The following CTNNA2 variants were observed in gnomAD, a reference collection of about 807,000 sequenced individuals.
CTNNA2 encodes the protein catenin alpha 2, also known as catenin alpha-2.
CTNNA2 carries 42 observed loss-of-function variants against 101.0 expected under a neutral mutation model. That is an observed-to-expected ratio of 0.42 (90% CI 0.32 to 0.54). The LOEUF (loss-of-function observed/expected upper bound fraction) is 0.54, where lower values mean the gene tolerates loss of function less well. Among genes scored for constraint, CTNNA2 ranks in the 20% least tolerant of loss-of-function variants. The pLI is 0.14. For missense variants in CTNNA2, 871 were observed against 1,223.1 expected, an observed-to-expected ratio of 0.71 and a Z score of 4.29; for synonymous variants, 450 against 456.4, an observed-to-expected ratio of 0.99 and a Z score of 0.18.
intron 6 of CTNNA2, among the ~76,000 whole-genome samples, chr2:79,878,979 T>A (rs967427125): frequency 1.3e-5 from 2 of 152,234 alleles, no homozygotes. Flanking sequence ...CTTTAATACA[T>A]CTTGAGTTAG....
intron 4 of CTNNA2, among the ~76,000 whole-genome samples, chr2:79,413,254 T>C (rs1678438033): frequency 6.6e-6 from 1 of 152,076 alleles, no homozygotes; most frequent in South Asian, 2.1e-4. Context: ...TCTTACTCTC[T>C]ACTTTTATGA....
chr2:79,350,560 A>T (rs957862023), intron 3 of CTNNA2, among the ~76,000 whole-genome samples: 1 of 152,124 alleles, frequency 6.6e-6, no homozygotes, highest in Admixed American at 6.6e-5. Context: ...GGTTGATTCT[A>T]TGACTTTGAT....
At chr2:80,604,454 G>A (rs541004280) in intron 16 of CTNNA2, among the ~76,000 whole-genome samples, 4 of 151,834 alleles carry the variant, frequency 2.6e-5, no homozygotes, top group Non-Finnish European at 5.9e-5. Context: ...GAAGAGTCAC[G>A]GATTGTCCCA....
At chr2:79,609,124 C>A (rs977700361) in intron 1 of CTNNA2, among the ~76,000 whole-genome samples, 7 of 151,848 alleles carry the variant, frequency 4.6e-5, no homozygotes, top group Non-Finnish European at 1.0e-4. Flanking sequence ...AGAGGTAAAT[C>A]TGACAAAAGA....
chr2:79,469,865 T>G (rs1670979438), intron 4 of CTNNA2, among the ~76,000 whole-genome samples: 1 of 152,224 alleles, frequency 6.6e-6, no homozygotes. Flanking sequence ...AATTAGCTAT[T>G]GATGGGATGT....
Position 79,513,142 on chromosome 2 carries a change from C to T in CTNNA2, c.-71C>T, listed in dbSNP as rs1438642186. ...GCCTCTCCAGTCCCTTCTGTGATTA[C>T]CACTCCAGCTGCTGGGAACGGGCGA... On this transcript the variant is annotated 5_prime_UTR_variant, in exon 1 of 19. Transcript: ENST00000402739. 1 of 152,694 alleles carries T rather than the reference C, an allele frequency of 6.5e-6. No individual in the cohort carries two copies. The highest frequency in any genetic ancestry group is 1.5e-5 in the Non-Finnish European group (1 of 68,492). 9.5% of individuals were successfully genotyped at this position (152,694 alleles called of 1,614,324 possible).
chr2:79,700,678 C>T (rs529715706), intron 2 of CTNNA2, among the ~76,000 whole-genome samples: 5 of 152,102 alleles, frequency 3.3e-5, no homozygotes, highest in South Asian at 2.1e-4. Flanking sequence ...ATGTTTGTCA[C>T]GGCTCTTGTT....
intron 7 of CTNNA2, among the ~76,000 whole-genome samples, chr2:80,179,972 C>T (rs1475745357): frequency 1.3e-5 from 2 of 152,128 alleles, no homozygotes; most frequent in African/African-American, 4.8e-5. Context: ...TGAGCTAAAA[C>T]TTCATTAATT....
chr2:80,351,632 A>G (rs1003074282), intron 7 of CTNNA2, among the ~76,000 whole-genome samples: 1 of 152,102 alleles, frequency 6.6e-6, no homozygotes, highest in Non-Finnish European at 1.5e-5. Context: ...TTGCTTTAAC[A>G]TGCATGGGGG....
chr2:80,444,905 A>C (rs917278173), intron 9 of CTNNA2, among the ~76,000 whole-genome samples: 3 of 152,140 alleles, frequency 2.0e-5, no homozygotes, highest in Non-Finnish European at 2.9e-5. Flanking sequence ...CAAGCAGGCT[A>C]AGCTGTTTAG....
intron 8 of CTNNA2, among the ~76,000 whole-genome samples, chr2:80,405,993 G>C (rs1467518974): frequency 1.3e-5 from 2 of 152,160 alleles, no homozygotes; most frequent in African/African-American, 4.8e-5. Flanking sequence ...TTTCAACAAG[G>C]ATCAGGCTGC....
intron 3 of CTNNA2, among the ~76,000 whole-genome samples, chr2:79,850,846 A>G (rs945799064): frequency 6.6e-6 from 1 of 152,246 alleles, no homozygotes; most frequent in African/African-American, 2.4e-5. Flanking sequence ...GCTCTTAAAA[A>G]GAGAGCTATT....
intron 3 of CTNNA2, among the ~76,000 whole-genome samples, chr2:79,772,943 T>C (rs994807437): frequency 6.6e-6 from 1 of 152,232 alleles, no homozygotes; most frequent in Non-Finnish European, 1.5e-5. Flanking sequence ...TCAGTTGTTC[T>C]ATCAAACATA....
At chr2:79,912,301 G>C (rs1280207931) in intron 7 of CTNNA2, among the ~76,000 whole-genome samples, 1 of 152,228 alleles carries the variant, frequency 6.6e-6, no homozygotes, top group Non-Finnish European at 1.5e-5. Flanking sequence ...GACACAGAGG[G>C]AGACAGAGGT....
chr2:80,182,949 C>T (rs898609226), intron 7 of CTNNA2, among the ~76,000 whole-genome samples: 3 of 152,132 alleles, frequency 2.0e-5, no homozygotes, highest in Non-Finnish European at 4.4e-5. Flanking sequence ...TTAGAAGGTG[C>T]CTTAGAAAAC....
intron 2 of CTNNA2, among the ~76,000 whole-genome samples, chr2:79,680,545 A>G (rs1683495502): frequency 6.6e-6 from 1 of 151,964 alleles, no homozygotes; most frequent in South Asian, 2.1e-4. Context: ...ACTGAGATAG[A>G]CCCTAAGCTG....
intron 7 of CTNNA2, among the ~76,000 whole-genome samples, chr2:80,248,151 A>G (rs1416767680): frequency 1.3e-5 from 2 of 151,532 alleles, no homozygotes; most frequent in African/African-American, 2.4e-5. Flanking sequence ...TGCCTTTATT[A>G]TTTAAGAAAC....
chr2:79,930,438 C>G (rs79591039), intron 7 of CTNNA2, among the ~76,000 whole-genome samples: 1,964 of 152,282 alleles, frequency 0.013, 108 homozygotes, highest in Admixed American at 0.098. Context: ...CTTAGGTTCT[C>G]TTATATTTGC....
At chr2:79,965,651 CTG>C (rs1357330466) in intron 7 of CTNNA2, among the ~76,000 whole-genome samples, 1 of 151,848 alleles carries the variant, frequency 6.6e-6, no homozygotes, top group Non-Finnish European at 1.5e-5. Context: ...TAGAGAAACG[CTG>C]TCTCTACTAC....
Sources: gnomAD v4.1 joint callset for allele counts (sites outside exome capture counted in the v4.1 genomes callset) on GRCh38, gnomAD v4.1.1 for gene constraint, MANE v1.5 for transcripts, NCBI Gene and HGNC (gene_info 2026-07-23, HGNC 2026-07-21) for gene names.